The following PFKFB3 variants were observed in gnomAD, a reference collection of about 807,000 sequenced individuals.
PFKFB3 encodes the protein 6-phosphofructo-2-kinase/fructose-2,6-bisphosphatase 3.
PFKFB3 carries 33 observed loss-of-function variants against 68.0 expected under a neutral mutation model. The observed-to-expected ratio is 0.49, with a 90% confidence interval of 0.37 to 0.65. The LOEUF is 0.65. PFKFB3 is among the 30% of genes least tolerant of loss of function. The probability of loss-of-function intolerance (pLI) is 0.00; values close to 1 mark genes in which losing one functional copy is unlikely to be tolerated. For missense variants in PFKFB3, 586 were observed against 712.2 expected (o/e 0.82, Z 2.02); for synonymous variants, 315 against 288.2 (o/e 1.09, Z -0.94).
intron 1 of PFKFB3, among the ~76,000 whole-genome samples, chr10:6,162,034 C>T (rs997713916): frequency 6.6e-6 from 1 of 152,174 alleles, no homozygotes; most frequent in Admixed American, 6.5e-5. Flanking sequence ...ACCCATTAAA[C>T]AATAACTCTC....
chr10:6,245,786 G>A (rs1846244428), intron 14 of PFKFB3: 1 of 152,232 alleles, frequency 6.6e-6, no homozygotes, highest in Non-Finnish European at 1.5e-5. Flanking sequence ...AATCTGTAAT[G>A]AATTGTGATC....
the PFKFB3 span, among the ~76,000 whole-genome samples, chr10:6,295,519 C>T: frequency 8.0e-6 from 1 of 125,458 alleles, no homozygotes; most frequent in African/African-American, 2.6e-5. Context: ...AACCACCGCA[C>T]CCAGCCAATT....
chr10:6,177,450 T>C (rs1159081482), intron 1 of PFKFB3, among the ~76,000 whole-genome samples: 29 of 128,302 alleles, frequency 2.3e-4, no homozygotes, highest in African/African-American at 8.0e-4. Context: ...CTTTCTTTCT[T>C]TCTTTCTTTC....
At chr10:6,208,371 CTTTTTTT>C (rs35447462) in intron 1 of PFKFB3, among the ~76,000 whole-genome samples, 50 of 60,634 alleles carry the variant, frequency 8.2e-4, no homozygotes, top group Non-Finnish European at 2.3e-4. Context: ...GGTACCTGGC[CTTTTTTT>C]TTTTTTTTTT....
At chr10:6,267,891 G>T in the PFKFB3 span, among the ~76,000 whole-genome samples, 2 of 147,234 alleles carry the variant, frequency 1.4e-5, no homozygotes, top group Non-Finnish European at 3.0e-5. Flanking sequence ...GGAGGCAGAG[G>T]TTGCAGTGAG....
At chr10:6,205,661 G>A (rs979759606) in intron 1 of PFKFB3, among the ~76,000 whole-genome samples, 2 of 152,060 alleles carry the variant, frequency 1.3e-5, no homozygotes, top group Admixed American at 1.3e-4. Context: ...CCAAAGTGCT[G>A]GGATTATAGG....
At chr10:6,198,130 C>T (rs767349641), upstream of PFKFB3, among the ~76,000 whole-genome samples, 3 of 151,700 alleles carry the variant, frequency 2.0e-5, no homozygotes, top group Non-Finnish European at 4.4e-5. Context: ...CCTGTAATAC[C>T]AGTTACTCAG....
At chr10:6,225,333 G>A (rs1845269812) in intron 13 of PFKFB3, 1 of 403,766 alleles carries the variant, frequency 2.5e-6, no homozygotes, top group Non-Finnish European at 5.1e-6. Flanking sequence ...GCAGTTGCCT[G>A]GCTGGTGGGC....
chr10:6,206,994 T>G (rs1209979068), intron 1 of PFKFB3, among the ~76,000 whole-genome samples: 1 of 147,222 alleles, frequency 6.8e-6, no homozygotes, highest in Non-Finnish European at 1.5e-5. Flanking sequence ...TCCCAGACGA[T>G]GGGTGGCCAG....
At chr10:6,269,770 A>G in the PFKFB3 span, among the ~76,000 whole-genome samples, 3 of 152,208 alleles carry the variant, frequency 2.0e-5, no homozygotes, top group Non-Finnish European at 4.4e-5. Flanking sequence ...AGAAGTCAGC[A>G]TGTCAGAATG....
the PFKFB3 span, among the ~76,000 whole-genome samples, chr10:6,288,256 G>T: frequency 2.7e-5 from 4 of 149,050 alleles, no homozygotes; most frequent in Non-Finnish European, 4.4e-5. Context: ...ACAATGTGCA[G>T]GTTAGTTACA....
intron 1 of PFKFB3, among the ~76,000 whole-genome samples, chr10:6,184,887 C>G (rs583599): frequency 1.5e-4 from 23 of 151,330 alleles, no homozygotes; most frequent in African/African-American, 5.3e-4. Context: ...GGGCTACAGG[C>G]GTGAGCCAGC....
intron 1 of PFKFB3, among the ~76,000 whole-genome samples, chr10:6,192,217 C>T (rs1034635963): frequency 2.0e-5 from 3 of 151,104 alleles, no homozygotes; most frequent in Admixed American, 6.6e-5. Context: ...GAAGGGAACA[C>T]GATCCAGTCT....
chr10:6,301,347 A>T, the PFKFB3 span, among the ~76,000 whole-genome samples: 2 of 152,140 alleles, frequency 1.3e-5, no homozygotes, highest in Non-Finnish European at 2.9e-5. Flanking sequence ...TGCTTCAGGG[A>T]CTTCATAAAG....
At chr10:6,257,739 G>A (rs961734204), downstream of PFKFB3, among the ~76,000 whole-genome samples, 84 of 152,234 alleles carry the variant, frequency 5.5e-4, no homozygotes, top group Non-Finnish European at 4.1e-4. Context: ...GATTTATTAT[G>A]GAAGAGTTCC....
At chr10:6,294,329 A>G in the PFKFB3 span, 2 of 417,260 alleles carry the variant, frequency 4.8e-6, no homozygotes, top group Non-Finnish European at 9.5e-6. Flanking sequence ...TATAAAGGAA[A>G]GAGATTTAAT....
chr10:6,201,653 C>A (rs564987093), upstream of PFKFB3, among the ~76,000 whole-genome samples: 3 of 152,282 alleles, frequency 2.0e-5, no homozygotes, highest in African/African-American at 7.2e-5. The surrounding 1 kb of genome is among the most constrained non-coding windows in gnomAD (Gnocchi z 4.1). Flanking sequence ...ACGTGAGCGA[C>A]GTGTGGCAGC....
upstream of PFKFB3, among the ~76,000 whole-genome samples, chr10:6,199,658 A>ATTTTTTTTTTT (rs143309528): frequency 8.2e-4 from 62 of 75,586 alleles, 4 homozygotes; most frequent in African/African-American, 2.7e-3. Context: ...CTATTTTTAA[A>ATTTTTTTTTTT]TTTTTTTTTT....
chr10:6,197,990 T>C (rs889677500), upstream of PFKFB3, among the ~76,000 whole-genome samples: 1 of 152,180 alleles, frequency 6.6e-6, no homozygotes, highest in Non-Finnish European at 1.5e-5. Context: ...TTTATTCTTT[T>C]CTATTTTCTG....
Sources: allele counts gnomAD v4.1 joint callset (sites outside exome capture counted in the v4.1 genomes callset), GRCh38; gene constraint gnomAD v4.1.1; non-coding constraint Gnocchi (gnomAD v3.1); transcripts MANE v1.5; gene names NCBI Gene and HGNC (gene_info 2026-07-23, HGNC 2026-07-21).